Variants in AKAP19 observed in about 807,000 individuals in gnomAD.
AKAP19 encodes the protein A-kinase anchoring protein 19.
At chr2:189,942,783 G>A in the AKAP19 span, among the ~76,000 whole-genome samples, 9 of 152,232 alleles carry the variant, frequency 5.9e-5, no homozygotes, top group Non-Finnish European at 1.0e-4. Context: ...ACTGCATTCT[G>A]TTCATGCCGT....
chr2:189,951,422 C>T, the AKAP19 span, among the ~76,000 whole-genome samples: 8 of 151,994 alleles, frequency 5.3e-5, no homozygotes, highest in African/African-American at 1.9e-4. Flanking sequence ...GGGCTGGTCT[C>T]GAACTCCTGA....
the AKAP19 span, among the ~76,000 whole-genome samples, chr2:190,064,083 C>T: frequency 6.6e-6 from 1 of 152,026 alleles, no homozygotes; most frequent in Non-Finnish European, 1.5e-5. Flanking sequence ...GCACACTGTA[C>T]ACTAATTTAC....
chr2:190,126,324 A>AAAAAAAAAAAAAT, the AKAP19 span, among the ~76,000 whole-genome samples: 1 of 139,244 alleles, frequency 7.2e-6, no homozygotes, highest in African/African-American at 2.6e-5. Flanking sequence ...AAAAAAAAAA[A>AAAAAAAAAAAAAT]GGTGTATATT....
At chr2:189,940,278 CAAAAAAAAA>C in the AKAP19 span, among the ~76,000 whole-genome samples, 19 of 109,452 alleles carry the variant, frequency 1.7e-4, no homozygotes, top group South Asian at 4.0e-3. Context: ...GACTTCATCT[CAAAAAAAAA>C]AAAAAAAAAT....
At chr2:190,048,639 G>A in the AKAP19 span, among the ~76,000 whole-genome samples, 2 of 152,182 alleles carry the variant, frequency 1.3e-5, no homozygotes, top group Non-Finnish European at 2.9e-5. Flanking sequence ...AAGGCTGAGT[G>A]GAGTACTCCC....
At chr2:190,118,385 G>C in the AKAP19 span, among the ~76,000 whole-genome samples, 2 of 152,192 alleles carry the variant, frequency 1.3e-5, no homozygotes, top group Admixed American at 6.5e-5. Context: ...GCATCATCCT[G>C]ATAGCAAAGC....
At chr2:190,109,044 A>C in the AKAP19 span, among the ~76,000 whole-genome samples, 1 of 152,166 alleles carries the variant, frequency 6.6e-6, no homozygotes, top group Non-Finnish European at 1.5e-5. Context: ...AGATGTCTTC[A>C]TAGTATCCTT....
At chr2:189,896,566 A>G in the AKAP19 span, among the ~76,000 whole-genome samples, 5 of 152,256 alleles carry the variant, frequency 3.3e-5, no homozygotes, top group Middle Eastern at 0.01. Context: ...ATCTTGGCTA[A>G]ACGTTAAAGG....
At chr2:189,989,710 A>G in the AKAP19 span, among the ~76,000 whole-genome samples, 1 of 152,198 alleles carries the variant, frequency 6.6e-6, no homozygotes, top group Non-Finnish European at 1.5e-5. Context: ...CCATCTGGAA[A>G]AGTCTCTTTG....
At chr2:189,957,491 C>T in the AKAP19 span, among the ~76,000 whole-genome samples, 30 of 152,260 alleles carry the variant, frequency 2.0e-4, no homozygotes, top group East Asian at 5.6e-3. Flanking sequence ...CATTAGCAAA[C>T]TAATTTATTA....
chr2:190,142,278 T>G, the AKAP19 span, among the ~76,000 whole-genome samples: 1 of 152,230 alleles, frequency 6.6e-6, no homozygotes, highest in African/African-American at 2.4e-5. Flanking sequence ...TTACTTCCAT[T>G]TAAAATGTCA....
the AKAP19 span, among the ~76,000 whole-genome samples, chr2:190,136,921 T>G: frequency 6.6e-6 from 1 of 152,218 alleles, no homozygotes; most frequent in South Asian, 2.1e-4. Flanking sequence ...GGACCAGGAA[T>G]GTGCTTTTGG....
chr2:189,938,491 C>T, the AKAP19 span, among the ~76,000 whole-genome samples: 11 of 152,164 alleles, frequency 7.2e-5, no homozygotes, highest in African/African-American at 1.9e-4. Context: ...AGACAAACAT[C>T]GCATGTTCTC....
At chr2:189,983,417 C>T in the AKAP19 span, among the ~76,000 whole-genome samples, 1 of 152,174 alleles carries the variant, frequency 6.6e-6, no homozygotes, top group African/African-American at 2.4e-5. Context: ...GAAGCCTAAG[C>T]TACCAGGGCT....
At chr2:190,157,309 G>C in the AKAP19 span, among the ~76,000 whole-genome samples, 5 of 150,298 alleles carry the variant, frequency 3.3e-5, no homozygotes, top group Admixed American at 2.7e-4. Context: ...TCTTAATACA[G>C]AGAAGTATAT....
chr2:190,032,069 T>C, the AKAP19 span, among the ~76,000 whole-genome samples: 1 of 152,206 alleles, frequency 6.6e-6, no homozygotes, highest in Non-Finnish European at 1.5e-5. Flanking sequence ...AATACAATAT[T>C]CTGAATGATT....
chr2:190,148,453 C>T, the AKAP19 span, among the ~76,000 whole-genome samples: 1 of 152,096 alleles, frequency 6.6e-6, no homozygotes, highest in Non-Finnish European at 1.5e-5. Flanking sequence ...TCAAGGATAT[C>T]AGTCTGTAGT....
At chr2:190,018,282 C>G in the AKAP19 span, among the ~76,000 whole-genome samples, 1 of 152,148 alleles carries the variant, frequency 6.6e-6, no homozygotes, top group Middle Eastern at 3.4e-3. Flanking sequence ...ATTCTATCAA[C>G]TTTTTACCTC....
At chr2:190,049,705 C>A in the AKAP19 span, among the ~76,000 whole-genome samples, 1 of 152,216 alleles carries the variant, frequency 6.6e-6, no homozygotes, top group Non-Finnish European at 1.5e-5. Flanking sequence ...TCATTCTCTA[C>A]CTAGAGTTCC....
Sources: allele counts gnomAD v4.1 joint callset (sites outside exome capture counted in the v4.1 genomes callset), GRCh38; gene constraint gnomAD v4.1.1; transcripts MANE v1.5; gene names NCBI Gene and HGNC (gene_info 2026-07-23, HGNC 2026-07-21).